DIAPH2: variants seen among roughly 807,000 people sequenced by gnomAD.
DIAPH2 encodes the protein diaphanous related formin 2, also known as protein diaphanous homolog 2.
A neutral mutation model predicts 92.7 loss-of-function variants in DIAPH2; 35 were observed. The observed-to-expected ratio is 0.38, with a 90% CI of 0.29 to 0.50. DIAPH2 has a LOEUF of 0.50. Ranked by LOEUF, DIAPH2 falls within the 20% of genes least tolerant of loss-of-function variation. DIAPH2 has a pLI of 0.94. For synonymous variants in DIAPH2, 301 were observed against 280.4 expected, an observed-to-expected ratio of 1.07 and a Z score of -0.73; for missense variants, 701 against 819.5, an observed-to-expected ratio of 0.86 and a Z score of 1.77.
At chrX:97,006,182 C>G (rs1057474874) in intron 17 of DIAPH2, among the ~76,000 whole-genome samples, 1 of 111,127 alleles carries the variant, frequency 9.0e-6, no homozygotes, top group Admixed American at 9.5e-5. Context: ...GTTTTTTTAA[C>G]GTTTTAAGAC....
chrX:97,535,592 C>A (rs772389920), intron 26 of DIAPH2, among the ~76,000 whole-genome samples: 195 of 111,067 alleles, frequency 1.8e-3, no homozygotes, highest in African/African-American at 6.1e-3. Flanking sequence ...GATGGGATTG[C>A]AGGCACGCGC....
intron 3 of DIAPH2, among the ~76,000 whole-genome samples, chrX:96,756,857 C>A (rs5949996): frequency 9.3e-6 from 1 of 107,495 alleles, no homozygotes; most frequent in Non-Finnish European, 1.9e-5. Context: ...TGCATTTCCC[C>A]ACAGATTAAT....
chrX:97,332,028 G>T (rs2069006344), intron 23 of DIAPH2, among the ~76,000 whole-genome samples: 1 of 111,626 alleles, frequency 9.0e-6, no homozygotes, highest in African/African-American at 3.2e-5. Context: ...TACTTGCAAG[G>T]TTCTTAACCC....
At chrX:97,183,904 A>C (rs1359580555) in intron 22 of DIAPH2, among the ~76,000 whole-genome samples, 1 of 112,448 alleles carries the variant, frequency 8.9e-6, no homozygotes, top group Non-Finnish European at 1.9e-5. Context: ...ACTAATCTTC[A>C]AATACTAATG....
At chrX:96,943,762 C>T (rs904982935) in intron 13 of DIAPH2, among the ~76,000 whole-genome samples, 3 of 111,094 alleles carry the variant, frequency 2.7e-5, no homozygotes, top group Admixed American at 9.6e-5. Flanking sequence ...GTTTTGTGTA[C>T]TGTGTACCAG....
At chrX:97,571,170 G>A (rs901782940) in intron 26 of DIAPH2, among the ~76,000 whole-genome samples, 1 of 110,947 alleles carries the variant, frequency 9.0e-6, no homozygotes, top group Non-Finnish European at 1.9e-5. Flanking sequence ...TGGCCAGTAA[G>A]GATAAAAAGC....
At position 96,709,464 on chromosome X, in the gene DIAPH2, C is replaced by A. The variant is rs189524796; in HGVS notation, c.132+24274C>A. ...AAAAAATAACAAGTCCAAAAGGATT[C>A]ATATGGCTTTGCAGGTGTCTCCAGT... On this transcript the variant is annotated intron_variant, in intron 1 of 26. Coordinates refer to ENST00000324765, the MANE Select transcript of DIAPH2 (RefSeq NM_006729.5). Among the ~76,000 whole-genome samples the A allele has an allele frequency of 2.0e-3, 219 of 111,887 alleles. 3 individuals are homozygous for A. Among genetic ancestry groups the A allele is most frequent in the African/African-American group, 6.7e-3 (207 of 30,861 alleles).
At chrX:97,293,450 A>G (rs2068615425) in intron 23 of DIAPH2, among the ~76,000 whole-genome samples, 1 of 108,881 alleles carries the variant, frequency 9.2e-6, no homozygotes, top group Non-Finnish European at 1.9e-5. Flanking sequence ...ACGGGGTTTC[A>G]CCATGTTGGC....
chrX:97,016,010 A>G (rs2147867580), intron 17 of DIAPH2, among the ~76,000 whole-genome samples: 1 of 111,938 alleles, frequency 8.9e-6, no homozygotes, highest in Non-Finnish European at 1.9e-5. Flanking sequence ...GTTAGAAGTA[A>G]GTAAAATGAT....
rs1273866059 is a variant in DIAPH2 at position 97,467,535 on chromosome X, G to T, written c.3241+37790G>T. Among the ~76,000 whole-genome samples, 7 of 111,967 alleles carry T rather than the reference G, an allele frequency of 6.3e-5. No individual in the cohort carries two copies. In the East Asian group the frequency reaches 2.0e-3, roughly 31 times the overall value. On this transcript the variant is annotated intron_variant, in intron 26 of 26. Coordinates refer to ENST00000324765, the MANE Select transcript of DIAPH2 (RefSeq NM_006729.5). ...TTAATCATGATCCTGAATCATTCCTGCCCCAGCCTTTTGTCTCATCTTCCC... is the reference window on the plus strand; with the variant it reads ...TTAATCATGATCCTGAATCATTCCTTCCCCAGCCTTTTGTCTCATCTTCCC...
At chrX:97,271,411 T>A (rs1486277555) in intron 23 of DIAPH2, among the ~76,000 whole-genome samples, 7 of 112,243 alleles carry the variant, frequency 6.2e-5, no homozygotes, top group East Asian at 2.8e-4. Context: ...TAAATAGCAC[T>A]AGAGAAGCAA....
intron 24 of DIAPH2, among the ~76,000 whole-genome samples, chrX:97,353,463 T>C (rs902827616): frequency 5.4e-5 from 6 of 111,178 alleles, no homozygotes; most frequent in African/African-American, 1.9e-4. Flanking sequence ...ATCTGTCAGT[T>C]TCCTGCTGCT....
At chrX:97,453,449 A>G (rs1044326216) in intron 26 of DIAPH2, among the ~76,000 whole-genome samples, 34 of 111,051 alleles carry the variant, frequency 3.1e-4, no homozygotes, top group African/African-American at 1.0e-3. Context: ...GATGCAAAGC[A>G]TGATTAACTT....
rs1288116436 is a variant in DIAPH2 at position 97,603,717 on chromosome X, A to AGAT, written c.*4401_*4403dup. ...CACTACTGTAGTAGACAATTTAGAT[A>AGAT]GATAAACTTTTTGCCACTATATGAC... On this transcript the variant is annotated 3_prime_UTR_variant, in exon 27 of 27. Coordinates refer to ENST00000324765, the MANE Select transcript of DIAPH2 (RefSeq NM_006729.5). The AGAT allele has an allele frequency of 8.9e-6, 1 of 112,591 alleles. No homozygotes were observed. The highest frequency in any genetic ancestry group is 3.2e-5 in the African/African-American group (1 of 30,951). The allele number at this position is 112,591 out of a possible 1,213,427, so 9.3% of individuals were successfully genotyped here.
At chrX:97,272,933 A>C (rs1247807563) in intron 23 of DIAPH2, among the ~76,000 whole-genome samples, 3 of 111,942 alleles carry the variant, frequency 2.7e-5, no homozygotes. Flanking sequence ...AGGCAGGCAG[A>C]TCACCTAAGG....
chrX:96,888,495 ATCTC>A (rs1273648011), intron 5 of DIAPH2, among the ~76,000 whole-genome samples: 9 of 104,346 alleles, frequency 8.6e-5, no homozygotes, highest in South Asian at 4.1e-4. Flanking sequence ...ACAGATATAT[ATCTC>A]TATATATGTA....
intron 23 of DIAPH2, among the ~76,000 whole-genome samples, chrX:97,311,821 TATC>T: frequency 9.0e-6 from 1 of 110,592 alleles, no homozygotes; most frequent in Non-Finnish European, 1.9e-5. Flanking sequence ...GAAATGCCGT[TATC>T]ATCTTTTTTT....
intron 4 of DIAPH2, among the ~76,000 whole-genome samples, chrX:96,860,320 T>A (rs1370091370): frequency 8.9e-6 from 1 of 111,919 alleles, no homozygotes; most frequent in African/African-American, 3.2e-5. Flanking sequence ...TAGGTTTGGA[T>A]AGATAAATGT....
intron 26 of DIAPH2, among the ~76,000 whole-genome samples, chrX:97,527,678 C>G (rs1316816933): frequency 3.6e-5 from 4 of 112,121 alleles, no homozygotes; most frequent in African/African-American, 1.3e-4. Context: ...ACTAATTAAA[C>G]AAAAGCAATA....
Sources: allele counts gnomAD v4.1 joint callset (sites outside exome capture counted in the v4.1 genomes callset), GRCh38; gene constraint gnomAD v4.1.1; transcripts MANE v1.5; gene names NCBI Gene and HGNC (gene_info 2026-07-23, HGNC 2026-07-21).